PRDM10: variants seen among roughly 807,000 people sequenced by gnomAD.
PRDM10 encodes PR/SET domain 10.
Under a neutral mutation model 133.1 loss-of-function variants are expected in PRDM10, and 65 were observed. That is an observed-to-expected ratio of 0.49 (90% CI 0.40 to 0.60). PRDM10 has a LOEUF of 0.60. PRDM10 is among the 20% of genes least tolerant of loss of function. The probability of loss-of-function intolerance (pLI) is 0.00; values close to 1 mark genes in which losing one functional copy is unlikely to be tolerated. For synonymous variants in PRDM10, 582 were observed against 580.4 expected, an observed-to-expected ratio of 1.00 and a Z score of -0.04; for missense variants, 1,137 against 1,507.1, an observed-to-expected ratio of 0.75 and a Z score of 4.07.
At chr11:129,930,883 G>A in intron 11 of PRDM10, 133 bp downstream of exon 11, 1 of 1,309,472 alleles carries the variant, frequency 7.6e-7, no homozygotes, top group Non-Finnish European at 1.0e-6. Flanking sequence ...TCAAAATAAG[G>A]GGATCGAGCA....
chr11:129,944,555 A>C (rs1457372440), intron 6 of PRDM10, among the ~76,000 whole-genome samples: 6 of 151,282 alleles, frequency 4.0e-5, no homozygotes, highest in East Asian at 2.0e-4. Context: ...ACTGCACTCC[A>C]GCCTGGGCGA....
Position 129,931,270 on chromosome 11 carries a change from A to C in PRDM10, c.1288-12T>G, listed in dbSNP as rs1296386765. The C allele has an allele frequency of 6.2e-7, 1 of 1,612,558 alleles. No homozygotes were observed. The highest frequency in any genetic ancestry group is 1.7e-5 in the Admixed American group (1 of 59,922). On this transcript the variant is annotated splice_polypyrimidine_tract_variant and intron_variant, in intron 10 of 20. Transcript: ENST00000360871. The stretch of plus-strand genomic sequence containing the variant: ...AAATGTAGCAAGTCCTGAAATTTGC[A>C]ATAACCAGGAATAGAGATCAGTGCC...
At chr11:129,963,388 AGAG>A (rs768534338) in intron 1 of PRDM10, among the ~76,000 whole-genome samples, 18,213 of 129,026 alleles carry the variant, frequency 0.14, 2,970 homozygotes, top group East Asian at 0.54. Flanking sequence ...AAAAGAGAGA[AGAG>A]AAGAGAAGAG....
intron 20 of PRDM10, 119 bp downstream of exon 20, chr11:129,905,519 T>C (rs971496308): frequency 1.0e-5 from 8 of 796,256 alleles, no homozygotes; most frequent in African/African-American, 1.7e-5. Context: ...TTTCAAAGAA[T>C]TCATCATCTA....
At chr11:129,911,529 T>C (rs1324723322) in intron 18 of PRDM10, among the ~76,000 whole-genome samples, 1 of 152,218 alleles carries the variant, frequency 6.6e-6, no homozygotes, top group Non-Finnish European at 1.5e-5. Context: ...CTAAACAGAA[T>C]AACCCTGTTT....
At chr11:129,937,083 G>C (rs1951057593) in intron 8 of PRDM10, among the ~76,000 whole-genome samples, 1 of 152,216 alleles carries the variant, frequency 6.6e-6, no homozygotes, top group African/African-American at 2.4e-5. Flanking sequence ...TGTGGTACTA[G>C]AAGTCAGGAG....
At chr11:129,970,911 T>G (rs1025925966) in intron 1 of PRDM10, among the ~76,000 whole-genome samples, 11 of 152,292 alleles carry the variant, frequency 7.2e-5, no homozygotes, top group African/African-American at 2.4e-4. Flanking sequence ...CCAACTTTTT[T>G]GCCAGTTGTT....
At chr11:129,930,967 G>A (rs556912617) in intron 11 of PRDM10, 49 bp downstream of exon 11, 4 of 1,553,734 alleles carry the variant, frequency 2.6e-6, no homozygotes, top group African/African-American at 1.4e-5. Flanking sequence ...CTGGTGGTGG[G>A]AGGAAGATGA....
At chr11:129,976,128 T>A (rs985970322) in intron 1 of PRDM10, among the ~76,000 whole-genome samples, 7 of 152,168 alleles carry the variant, frequency 4.6e-5, no homozygotes, top group African/African-American at 1.4e-4. Context: ...GCACAGGCCA[T>A]CCTGTGGACT....
chr11:130,001,352 A>C (rs1939363479), intron 1 of PRDM10, among the ~76,000 whole-genome samples: 1 of 152,190 alleles, frequency 6.6e-6, no homozygotes, highest in African/African-American at 2.4e-5. Context: ...GATAGAAACA[A>C]AGAGAACAGG....
intron 1 of PRDM10, among the ~76,000 whole-genome samples, chr11:129,967,565 T>C (rs1454185481): frequency 6.6e-6 from 1 of 151,902 alleles, no homozygotes; most frequent in Non-Finnish European, 1.5e-5. Flanking sequence ...CAAGAAAGGG[T>C]AGCAATTTTT....
chr11:129,918,473 C>A lies in PRDM10; in HGVS notation c.2214+66G>T. ...TTAGGACACAATGCAACACAAACGT[C>A]ACCATCATCGACAGCAATGAGGTAT... is the stretch of plus-strand genomic sequence containing the variant. On this transcript the variant is annotated intron_variant, in intron 14 of 20. Transcript: ENST00000360871. This position sits in a 1 kb window ranked among gnomAD's most constrained non-coding sequence, Gnocchi z 5.3. 6.5e-7 allele frequency: 1 copy of A among 1,533,650 alleles called. No homozygotes were observed. The highest frequency in any genetic ancestry group is 1.2e-5 in the South Asian group (1 of 80,956).
chr11:129,902,095 G>T lies in PRDM10; in HGVS notation c.*218C>A, dbSNP rs1377652827. The stretch of plus-strand genomic sequence containing the variant: ...CCTCGAAATCTACTTTCCCCTGAAA[G>T]ATCTCTGTTCTGTGGCAAAAACCGA... On this transcript the variant is annotated 3_prime_UTR_variant, in exon 21 of 21. Coordinates refer to ENST00000360871, the MANE Select transcript of PRDM10 (RefSeq NM_199437.2). The T allele has an allele frequency of 7.1e-6, 4 of 563,702 alleles. No homozygotes were observed. The highest frequency in any genetic ancestry group is 5.7e-5 in the African/African-American group (3 of 52,424). 34.9% of individuals were successfully genotyped at this position (563,702 alleles called of 1,614,324 possible). A position where few individuals can be genotyped will look rare whatever the true frequency, so the allele number is the denominator to read the frequency against.
chr11:129,995,706 G>A (rs1939024396), intron 1 of PRDM10, among the ~76,000 whole-genome samples: 1 of 152,192 alleles, frequency 6.6e-6, no homozygotes, highest in Admixed American at 6.5e-5. Flanking sequence ...AGCACTTTGG[G>A]AGGCCGAGGC....
At chr11:129,922,356 G>A (rs1591600111) in intron 13 of PRDM10, among the ~76,000 whole-genome samples, 1 of 152,092 alleles carries the variant, frequency 6.6e-6, no homozygotes, top group Non-Finnish European at 1.5e-5. Flanking sequence ...TTTTTTTTAA[G>A]AACAGAAAAA....
chr11:129,959,938 T>G (rs1427166164), intron 2 of PRDM10, among the ~76,000 whole-genome samples: 3 of 151,640 alleles, frequency 2.0e-5, no homozygotes, highest in African/African-American at 7.3e-5. Context: ...TTTTTTTTTT[T>G]TTGGTAGAGT....
intron 9 of PRDM10, among the ~76,000 whole-genome samples, chr11:129,934,108 GCT>G (rs1164039434): frequency 1.3e-5 from 2 of 152,178 alleles, no homozygotes; most frequent in East Asian, 1.9e-4. Context: ...TCCCATGGCT[GCT>G]CTGTTTTCTC....
Position 129,932,089 on chromosome 11 carries a change from C to G in PRDM10, c.1287+13G>C, listed in dbSNP as rs766971624. On this transcript the variant is annotated intron_variant, in intron 10 of 20. Coordinates refer to ENST00000360871, the MANE Select transcript of PRDM10 (RefSeq NM_199437.2). ...CAAGCACCTAAGGAGGGCTCCTTCC[C>G]GTCCCCCCGTACCTGTGTCCCATCG... 3 of 1,610,242 alleles carry G rather than the reference C, an allele frequency of 1.9e-6. No individual in the cohort carries two copies. The highest frequency in any genetic ancestry group is 2.2e-5 in the South Asian group (2 of 90,726).
intron 11 of PRDM10, among the ~76,000 whole-genome samples, chr11:129,928,353 A>G (rs1038165811): frequency 8.6e-5 from 13 of 151,866 alleles, no homozygotes; most frequent in African/African-American, 2.9e-4. Flanking sequence ...ATCCTGACAC[A>G]AAAAAGAAAT....
Sources: allele counts gnomAD v4.1 joint callset (sites outside exome capture counted in the v4.1 genomes callset), GRCh38; gene constraint gnomAD v4.1.1; non-coding constraint Gnocchi (gnomAD v3.1); transcripts MANE v1.5; gene names NCBI Gene and HGNC (gene_info 2026-07-23, HGNC 2026-07-21).